PLCB1: variants seen among roughly 807,000 people sequenced by gnomAD.
PLCB1 encodes the protein phospholipase C beta 1.
A neutral mutation model predicts 161.8 loss-of-function variants in PLCB1; 46 were observed. That is an observed-to-expected ratio of 0.28 (90% CI 0.22 to 0.36). The LOEUF (loss-of-function observed/expected upper bound fraction) is 0.36, where lower values mean the gene tolerates loss of function less well. Ranked by LOEUF, PLCB1 falls within the 10% of genes least tolerant of loss-of-function variation. The pLI, the probability that PLCB1 is intolerant of heterozygous loss-of-function variation, is 1.00. For synonymous variants in PLCB1, 517 were observed against 503.7 expected, an observed-to-expected ratio of 1.03 and a Z score of -0.35; for missense variants, 1,016 against 1,472.5, an observed-to-expected ratio of 0.69 and a Z score of 5.07.
At chr20:8,174,957 T>C (rs2123075793) in intron 2 of PLCB1, among the ~76,000 whole-genome samples, 1 of 152,078 alleles carries the variant, frequency 6.6e-6, no homozygotes, top group South Asian at 2.1e-4. Flanking sequence ...TAGTCCCAGC[T>C]ACTCAGGAGG....
chr20:8,275,252 T>TGTGC (rs1982478905), intron 2 of PLCB1, among the ~76,000 whole-genome samples: 1 of 144,912 alleles, frequency 6.9e-6, no homozygotes, highest in South Asian at 2.1e-4. Context: ...TCAGCGTGAG[T>TGTGC]GTGTGTGTGT....
intron 3 of PLCB1, among the ~76,000 whole-genome samples, chr20:8,399,592 C>T (rs1229781705): frequency 3.3e-5 from 5 of 152,038 alleles, no homozygotes; most frequent in South Asian, 2.1e-4. Flanking sequence ...TTTTTACCAA[C>T]CCATTATATC....
intron 3 of PLCB1, among the ~76,000 whole-genome samples, chr20:8,435,058 A>G (rs956003176): frequency 6.6e-6 from 1 of 152,222 alleles, no homozygotes; most frequent in Non-Finnish European, 1.5e-5. Flanking sequence ...CTGCAGTAGA[A>G]TATCTATTGA....
At chr20:8,542,822 G>A (rs1013668624) in intron 3 of PLCB1, among the ~76,000 whole-genome samples, 2 of 152,202 alleles carry the variant, frequency 1.3e-5, no homozygotes, top group Non-Finnish European at 2.9e-5. Context: ...TAATTGAATT[G>A]CCTCTGTTGT....
intron 2 of PLCB1, among the ~76,000 whole-genome samples, chr20:8,198,631 A>G (rs1286990460): frequency 6.6e-6 from 1 of 152,022 alleles, no homozygotes; most frequent in Admixed American, 6.6e-5. Flanking sequence ...AAATGTGCTG[A>G]TTCCCACAGA....
chr20:8,815,713 A>G (rs898199709), intron 31 of PLCB1, among the ~76,000 whole-genome samples: 2 of 152,230 alleles, frequency 1.3e-5, no homozygotes, highest in African/African-American at 4.8e-5. Context: ...AGTGAGTTAC[A>G]GTACAACAAA....
At chr20:8,426,918 CATT>C (rs1979806250) in intron 3 of PLCB1, among the ~76,000 whole-genome samples, 2 of 151,884 alleles carry the variant, frequency 1.3e-5, no homozygotes, top group Non-Finnish European at 2.9e-5. Context: ...AGAAGATTAC[CATT>C]ATTATTATTA....
In PLCB1 at chr20:8,744,716, G is replaced by A. The variant is rs8122808; in HGVS notation, c.2523+3143G>A. On this transcript the variant is annotated intron_variant, in intron 23 of 31. Coordinates refer to ENST00000338037, the MANE Select transcript of PLCB1 (RefSeq NM_015192.4). Reference sequence around the variant, plus strand: ...CAGTGTATGGCCCCGATTCGATATAGCAATTGAGCTAAAGGTCTCATAATG... The same window carrying A: ...CAGTGTATGGCCCCGATTCGATATAACAATTGAGCTAAAGGTCTCATAATG... Among the ~76,000 whole-genome samples, 981 of 151,744 alleles carry A rather than the reference G, an allele frequency of 6.5e-3. 9 individuals are homozygous for A. The highest frequency in any genetic ancestry group is 0.022 in the African/African-American group (910 of 41,392).
In PLCB1 at chr20:8,589,804, A is replaced by G. The variant is rs1987096295; in HGVS notation, c.247-38490A>G. ...CTAATATTTTAATTTTTTTGTAAGG[A>G]TGAGAAGTCTCATTATGTTGCTTAG... On this transcript the variant is annotated intron_variant, in intron 3 of 31. Coordinates refer to ENST00000338037, the MANE Select transcript of PLCB1 (RefSeq NM_015192.4). 4.0e-5 allele frequency among the ~76,000 whole-genome samples: 6 copies of G among 151,628 alleles called. 1 individual carries two copies. The South Asian group carries it at 1.3e-3, about 32-fold the overall frequency.
rs2051308143 is a variant in PLCB1, at chr20:8,132,941, C to CAA, written c.99+192_99+193insAA. 6.6e-6 allele frequency among the ~76,000 whole-genome samples: 1 copy of CAA among 152,176 alleles called. No homozygotes were observed. The highest frequency in any genetic ancestry group is 1.5e-5 in the Non-Finnish European group (1 of 68,032). ...AGAAGCTTTGCGCGCGCTCCTGTTT[C>CAA]ATCGGGCTTCAGTAGTTGCCATCCT... On this transcript the variant is annotated intron_variant, in intron 1 of 31. Transcript: ENST00000338037. The surrounding 1 kb of genome is among the most constrained non-coding windows in gnomAD (Gnocchi z 5.2).
At chr20:8,255,595 A>C (rs1981369979) in intron 2 of PLCB1, among the ~76,000 whole-genome samples, 1 of 152,096 alleles carries the variant, frequency 6.6e-6, no homozygotes, top group Non-Finnish European at 1.5e-5. Context: ...ATATCCTTCT[A>C]ATAAAGCATT....
At position 8,840,784 on chromosome 20, in the gene PLCB1, T is replaced by TC. The variant is rs146638250; in HGVS notation, c.3424-40832dup. ...GAGCTACATATTGTACTAAATCACT[T>TC]CCCCCCTTTTTAAATTTGAAATCAG... On this transcript the variant is annotated intron_variant, in intron 31 of 31. Coordinates refer to ENST00000338037, the MANE Select transcript of PLCB1 (RefSeq NM_015192.4). Among the ~76,000 whole-genome samples the TC allele has an allele frequency of 2.2e-3, 331 of 152,030 alleles. 2 individuals carry two copies. The highest frequency in any genetic ancestry group is 7.2e-3 in the African/African-American group (297 of 41,450).
chr20:8,600,598 C>T (rs1369881799), intron 3 of PLCB1: 1 of 150,890 alleles, frequency 6.6e-6, no homozygotes. Context: ...CAGAGGCAGG[C>T]AGGCCTCCTT....
chr20:8,881,540 T>G (rs570228403), intron 31 of PLCB1, 82 bp from the exon 32 acceptor site: 3 of 990,674 alleles, frequency 3.0e-6, no homozygotes, highest in Non-Finnish European at 4.8e-6. Flanking sequence ...CCCTTTTGTA[T>G]ATCTCTTTCA....
chr20:8,159,067 C>T (rs1236611681), intron 2 of PLCB1, among the ~76,000 whole-genome samples: 2 of 152,132 alleles, frequency 1.3e-5, no homozygotes, highest in Non-Finnish European at 2.9e-5. Flanking sequence ...CCAGTTGGGA[C>T]TGGGGGCTCC....
chr20:8,616,213 GAACA>G (rs747548440), intron 3 of PLCB1, among the ~76,000 whole-genome samples: 4 of 152,152 alleles, frequency 2.6e-5, no homozygotes, highest in Non-Finnish European at 4.4e-5. Flanking sequence ...GCCTTGACAA[GAACA>G]AACCTTACTT....
At chr20:8,356,315 C>T (rs1298104983) in intron 2 of PLCB1, among the ~76,000 whole-genome samples, 1 of 152,116 alleles carries the variant, frequency 6.6e-6, no homozygotes, top group African/African-American at 2.4e-5. Flanking sequence ...ATCAGAATCA[C>T]CTGTAGGATT....
intron 3 of PLCB1, among the ~76,000 whole-genome samples, chr20:8,499,886 C>T (rs902185032): frequency 1.3e-5 from 2 of 152,128 alleles, no homozygotes; most frequent in African/African-American, 4.8e-5. Flanking sequence ...GATAAATAAA[C>T]AGGTAATGTT....
At chr20:8,151,737 T>A (rs1254033905) in intron 2 of PLCB1, among the ~76,000 whole-genome samples, 2 of 152,190 alleles carry the variant, frequency 1.3e-5, no homozygotes, top group Admixed American at 1.3e-4. Context: ...TCATGAACGA[T>A]GTACTTATAA....
Sources: gnomAD v4.1 joint callset for allele counts (sites outside exome capture counted in the v4.1 genomes callset) on GRCh38, gnomAD v4.1.1 for gene constraint, Gnocchi (gnomAD v3.1) non-coding constraint, MANE v1.5 for transcripts, NCBI Gene and HGNC (gene_info 2026-07-23, HGNC 2026-07-21) for gene names.